The following GRIA2 variants were observed in gnomAD, a reference collection of about 807,000 sequenced individuals.
The protein encoded by GRIA2 is glutamate receptor 2.
Under a neutral mutation model 97.3 loss-of-function variants are expected in GRIA2, and 14 were observed. The ratio of observed to expected loss-of-function variants is 0.14; its 90% CI spans 0.10 to 0.23. The LOEUF is 0.23. Ranked by LOEUF, GRIA2 falls within the 10% of genes least tolerant of loss-of-function variation. The probability of loss-of-function intolerance (pLI) is 1.00; values close to 1 mark genes in which losing one functional copy is unlikely to be tolerated. For missense variants in GRIA2, 558 were observed against 1,069.8 expected (o/e 0.52, Z 6.67); for synonymous variants, 412 against 387.8 (o/e 1.06, Z -0.73).
rs995581398 is a variant in GRIA2, at chr4:157,254,436, G to T, written c.229+32629G>T. 1.6e-4 allele frequency among the ~76,000 whole-genome samples: 24 copies of T among 151,874 alleles called. 1 individual carries two copies. Among genetic ancestry groups the T allele is most frequent in the Admixed American group, 1.6e-3 (24 of 15,208 alleles). On this transcript the variant is annotated intron_variant, in intron 2 of 15. Coordinates refer to ENST00000264426, the MANE Select transcript of GRIA2 (RefSeq NM_001083619.3). ...TAACCCATTTAAAAAATCAGATTGG[G>T]AAAATGTTTCTGCTTCATGTAACTG...
intron 11 of GRIA2, among the ~76,000 whole-genome samples, chr4:157,337,083 A>G (rs1294371887): frequency 1.3e-5 from 2 of 152,016 alleles, no homozygotes; most frequent in Admixed American, 6.6e-5. Flanking sequence ...TGATCCACAG[A>G]CCTGTATATG....
In GRIA2 at chr4:157,248,056, C is replaced by T. The variant is rs1730809415; in HGVS notation, c.229+26249C>T. Among the ~76,000 whole-genome samples, 4 of 151,226 alleles carry T rather than the reference C, an allele frequency of 2.6e-5. No individual in the cohort carries two copies. The South Asian group carries it at 6.3e-4, about 24-fold the overall frequency. Reference sequence around the variant, plus strand: ...TTGTACTCTGGGGATAACTCTTTGACGTGTATATATATATAATCATATCAT... The same window carrying T: ...TTGTACTCTGGGGATAACTCTTTGATGTGTATATATATATAATCATATCAT... On this transcript the variant is annotated intron_variant, in intron 2 of 15. Transcript: ENST00000264426.
rs184514247 is a variant in GRIA2 at position 157,230,681 on chromosome 4, T to C, written c.229+8874T>C. ...TCTCTTTCATTTGATGTTTGCTTAG[T>C]TTGCATGTCTGTGGTCAATCTTCTA... On this transcript the variant is annotated intron_variant, in intron 2 of 15. Coordinates refer to ENST00000264426, the MANE Select transcript of GRIA2 (RefSeq NM_001083619.3). Among the ~76,000 whole-genome samples, 355 of 152,154 alleles carry C rather than the reference T, an allele frequency of 2.3e-3. 2 individuals are homozygous for C. Among genetic ancestry groups the C allele is most frequent in the African/African-American group, 8.2e-3 (342 of 41,504 alleles).
chr4:157,259,325 A>T (rs1174019697), intron 2 of GRIA2, among the ~76,000 whole-genome samples: 4 of 152,152 alleles, frequency 2.6e-5, no homozygotes, highest in African/African-American at 9.6e-5. Context: ...ATGCTCCAGC[A>T]TACTGGGATT....
intron 2 of GRIA2, among the ~76,000 whole-genome samples, chr4:157,244,694 T>A (rs999772411): frequency 1.3e-5 from 2 of 152,050 alleles, no homozygotes; most frequent in African/African-American, 4.8e-5. Context: ...CTTTAAAGTT[T>A]GTCTCTTACT....
intron 2 of GRIA2, among the ~76,000 whole-genome samples, chr4:157,270,925 GTT>G (rs112137551): frequency 6.9e-6 from 1 of 145,130 alleles, no homozygotes; most frequent in Non-Finnish European, 1.5e-5. Flanking sequence ...ACTACAATTT[GTT>G]TTTTTTTTTG....
chr4:157,306,270 G>A (rs893304837), intron 3 of GRIA2, among the ~76,000 whole-genome samples: 3 of 152,066 alleles, frequency 2.0e-5, no homozygotes, highest in African/African-American at 7.2e-5. Context: ...TTTAAAAAAA[G>A]AGAAACTCTA....
At chr4:157,221,457 C>CAA in intron 1 of GRIA2, 1 of 589,834 alleles carries the variant, frequency 1.7e-6, no homozygotes, top group Non-Finnish European at 3.0e-6. Flanking sequence ...GGTTTCTGGC[C>CAA]GCCTACCTCG....
At chr4:157,281,833 C>T (rs1251007134) in intron 2 of GRIA2, among the ~76,000 whole-genome samples, 1 of 152,058 alleles carries the variant, frequency 6.6e-6, no homozygotes, top group African/African-American at 2.4e-5. Flanking sequence ...CCAGCACGTC[C>T]TAGCTTTTTT....
chr4:157,342,725 G>T (rs778993779), intron 12 of GRIA2, among the ~76,000 whole-genome samples: 2 of 152,028 alleles, frequency 1.3e-5, no homozygotes, highest in Non-Finnish European at 2.9e-5. Flanking sequence ...AAAATGAGGT[G>T]CTCCCTCTTG....
At chr4:157,346,750 A>C (rs1735782674) in intron 12 of GRIA2, among the ~76,000 whole-genome samples, 1 of 152,160 alleles carries the variant, frequency 6.6e-6, no homozygotes, top group African/African-American at 2.4e-5. Flanking sequence ...TTTATTACAA[A>C]TTTTCCTTCC....
At chr4:157,347,373 G>A (rs537974898) in intron 12 of GRIA2, among the ~76,000 whole-genome samples, 12 of 152,166 alleles carry the variant, frequency 7.9e-5, no homozygotes, top group African/African-American at 2.2e-4. Flanking sequence ...CCATACACTC[G>A]CTAAATAATT....
rs914685325 is a variant in GRIA2, at chr4:157,365,575, T to C, written c.*2144T>C. The C allele has an allele frequency of 6.6e-6, 1 of 151,948 alleles. No homozygotes were observed. The highest frequency in any genetic ancestry group is 2.4e-5 in the African/African-American group (1 of 41,392). 9.4% of individuals were successfully genotyped at this position (151,948 alleles called of 1,614,324 possible). A position where few individuals can be genotyped will look rare whatever the true frequency, so the allele number is the denominator to read the frequency against. ...GATACAACATGACAAGAATACATAATGTAAGAGTATTTCAACTATGGATAA... is the reference window on the plus strand; with the variant it reads ...GATACAACATGACAAGAATACATAACGTAAGAGTATTTCAACTATGGATAA... On this transcript the variant is annotated 3_prime_UTR_variant, in exon 16 of 16. Coordinates refer to ENST00000264426, the MANE Select transcript of GRIA2 (RefSeq NM_001083619.3).
chr4:157,226,715 C>T (rs953613721), intron 2 of GRIA2, among the ~76,000 whole-genome samples: 4 of 152,040 alleles, frequency 2.6e-5, no homozygotes, highest in African/African-American at 9.7e-5. Flanking sequence ...AGATTGGCTA[C>T]GCGATCCTGT....
At chr4:157,271,144 C>G (rs532091653) in intron 2 of GRIA2, among the ~76,000 whole-genome samples, 2 of 151,876 alleles carry the variant, frequency 1.3e-5, no homozygotes, top group Non-Finnish European at 2.9e-5. Context: ...TTTTTTTACT[C>G]AACAACAATC....
At chr4:157,223,848 A>G (rs1327018079) in intron 2 of GRIA2, among the ~76,000 whole-genome samples, 1 of 152,214 alleles carries the variant, frequency 6.6e-6, no homozygotes, top group Non-Finnish European at 1.5e-5. Flanking sequence ...CAAAATGAAT[A>G]TTCCTTGATT....
chr4:157,261,110 T>A (rs1028968941), intron 2 of GRIA2, among the ~76,000 whole-genome samples: 22 of 152,212 alleles, frequency 1.4e-4, no homozygotes, highest in African/African-American at 5.3e-4. Context: ...GTTTAATGGA[T>A]TCATAGTTCC....
chr4:157,355,902 A>ATTT (rs1560781010), intron 12 of GRIA2, among the ~76,000 whole-genome samples: 1 of 71,076 alleles, frequency 1.4e-5, no homozygotes, highest in Non-Finnish European at 2.5e-5. Context: ...TTTATATATA[A>ATTT]ATATATATAT....
chr4:157,242,730 A>AT (rs1730562278), intron 2 of GRIA2, among the ~76,000 whole-genome samples: 1 of 152,090 alleles, frequency 6.6e-6, no homozygotes, highest in Admixed American at 6.6e-5. Flanking sequence ...TCATTACAAC[A>AT]TTTTCATCAA....
Sources: allele counts gnomAD v4.1 joint callset (sites outside exome capture counted in the v4.1 genomes callset), GRCh38; gene constraint gnomAD v4.1.1; transcripts MANE v1.5; gene names NCBI Gene and HGNC (gene_info 2026-07-23, HGNC 2026-07-21).